MATN2: variants seen among roughly 807,000 people sequenced by gnomAD.
MATN2 encodes matrilin-2.
MATN2 carries 69 observed loss-of-function variants against 103.2 expected under a neutral mutation model. The ratio of observed to expected loss-of-function variants is 0.67; its 90% CI spans 0.55 to 0.82. The LOEUF (loss-of-function observed/expected upper bound fraction) is 0.82. Ranked by LOEUF, MATN2 falls within the 40% of genes least tolerant of loss-of-function variation. MATN2 has a pLI of 0.00. For synonymous variants in MATN2, 429 were observed against 450.2 expected, an observed-to-expected ratio of 0.95 and a Z score of 0.60; for missense variants, 1,023 against 1,211.5, an observed-to-expected ratio of 0.84 and a Z score of 2.31.
chr8:97,887,595 G>T lies in MATN2; in HGVS notation c.-26-480G>T, dbSNP rs1818479823. Among the ~76,000 whole-genome samples, 6 of 152,304 alleles carry T rather than the reference G, an allele frequency of 3.9e-5. 1 individual carries two copies. Among genetic ancestry groups the T allele is most frequent in the Admixed American group, 2.6e-4 (4 of 15,304 alleles). ...ATGTGGGAGACAGGGAGGCTGGGAG[G>T]CTGGATATGTGATGCTACTTTATGT... On this transcript the variant is annotated intron_variant, in intron 1 of 18. Transcript: ENST00000254898.
At chr8:97,978,479 T>C (rs1266128064) in intron 5 of MATN2, among the ~76,000 whole-genome samples, 1 of 152,206 alleles carries the variant, frequency 6.6e-6, no homozygotes, top group Non-Finnish European at 1.5e-5. Flanking sequence ...AGGGTGAACA[T>C]TGTCAAATTG....
chr8:97,897,040 G>T (rs907557316), intron 2 of MATN2, among the ~76,000 whole-genome samples: 8 of 151,842 alleles, frequency 5.3e-5, no homozygotes, highest in African/African-American at 1.7e-4. Context: ...AGGCAATATG[G>T]CCGGGCTGGG....
intron 1 of MATN2, among the ~76,000 whole-genome samples, chr8:97,874,805 G>A (rs1458889918): frequency 4.6e-5 from 7 of 151,176 alleles, no homozygotes; most frequent in Non-Finnish European, 2.9e-5. Context: ...GCAACCTCTG[G>A]CTCCTGGGTT....
Position 98,035,881 on chromosome 8 carries a change from C to A in MATN2, c.*169C>A. 1 of 420,780 alleles carries A rather than the reference C, an allele frequency of 2.4e-6. No individual in the cohort carries two copies. The allele number at this position is 420,780 out of a possible 1,614,324, so 26.1% of individuals were successfully genotyped here. ...AACAAAGACAAGAAGTATACACTAA[C>A]TTGTATAAATTTATCTAGGAAAAAA... On this transcript the variant is annotated 3_prime_UTR_variant, in exon 19 of 19. Transcript: ENST00000254898.
At chr8:97,947,440 C>T (rs1810790230) in intron 4 of MATN2, among the ~76,000 whole-genome samples, 1 of 152,142 alleles carries the variant, frequency 6.6e-6, no homozygotes, top group Non-Finnish European at 1.5e-5. Flanking sequence ...AGTCAATATA[C>T]TTAAAAAATT....
intron 13 of MATN2, chr8:98,025,424 A>T (rs1469514322): frequency 1.1e-5 from 2 of 186,226 alleles, no homozygotes; most frequent in Non-Finnish European, 2.3e-5. Context: ...TATAAAACAG[A>T]ATGTTTATCA....
At chr8:97,951,059 C>A (rs778762831) in intron 4 of MATN2, 1 of 152,286 alleles carries the variant, frequency 6.6e-6, no homozygotes, top group Non-Finnish European at 1.5e-5. Context: ...CACACACACG[C>A]AAAGCAGCTG....
At chr8:97,971,356 C>T (rs1811649798) in intron 5 of MATN2, among the ~76,000 whole-genome samples, 1 of 152,188 alleles carries the variant, frequency 6.6e-6, no homozygotes. Flanking sequence ...AAGTTCAGTT[C>T]TTAGTCATGG....
intron 6 of MATN2, among the ~76,000 whole-genome samples, chr8:97,986,590 T>G (rs1440305813): frequency 6.6e-6 from 1 of 152,234 alleles, no homozygotes; most frequent in African/African-American, 2.4e-5. Context: ...TCCATCTAGG[T>G]TGCTGCAAAT....
At chr8:98,019,875 A>G (rs1257961010) in intron 12 of MATN2, among the ~76,000 whole-genome samples, 2 of 152,212 alleles carry the variant, frequency 1.3e-5, no homozygotes, top group Admixed American at 1.3e-4. Context: ...CTCCTTTGAG[A>G]TAACTGGGGA....
intron 3 of MATN2, among the ~76,000 whole-genome samples, chr8:97,933,768 G>GCTTT (rs1810280774): frequency 6.6e-6 from 1 of 152,050 alleles, no homozygotes; most frequent in Admixed American, 6.6e-5. Flanking sequence ...CAGGAGACAG[G>GCTTT]GCTGCTGTCT....
chr8:98,015,231 G>A (rs1472076700), intron 10 of MATN2, among the ~76,000 whole-genome samples: 4 of 152,084 alleles, frequency 2.6e-5, no homozygotes, highest in Admixed American at 6.5e-5. Flanking sequence ...CTTCTCACCA[G>A]CCTGGTCTGG....
At chr8:97,958,426 T>C (rs1197663336) in intron 4 of MATN2, among the ~76,000 whole-genome samples, 1 of 151,988 alleles carries the variant, frequency 6.6e-6, no homozygotes, top group Admixed American at 6.6e-5. Flanking sequence ...GAGCTTAGAG[T>C]CTAGTAAGAG....
chr8:97,982,459 G>A lies in MATN2; in HGVS notation c.1081+3451G>A, dbSNP rs1467023737. Reference sequence around the variant, plus strand: ...TTAAAATTCTACTTCTTATACACTTGCAAAAAATGAAAGAAACTCAGTTTC... The same window carrying A: ...TTAAAATTCTACTTCTTATACACTTACAAAAAATGAAAGAAACTCAGTTTC... On this transcript the variant is annotated intron_variant, in intron 6 of 18. Transcript: ENST00000254898. This position sits in a 1 kb window ranked among gnomAD's most constrained non-coding sequence, Gnocchi z 4.3. Among the ~76,000 whole-genome samples the A allele has an allele frequency of 1.3e-5, 2 of 151,950 alleles. No individual in the cohort carries two copies. Among genetic ancestry groups the A allele is most frequent in the African/African-American group, 4.8e-5 (2 of 41,380 alleles).
At chr8:97,888,667 C>A (rs921253027) in intron 2 of MATN2, among the ~76,000 whole-genome samples, 12 of 152,134 alleles carry the variant, frequency 7.9e-5, no homozygotes, top group African/African-American at 2.9e-4. Flanking sequence ...TGAACTGAAT[C>A]GAGGTATTAG....
chr8:97,959,556 T>C (rs184373063), intron 4 of MATN2, among the ~76,000 whole-genome samples: 486 of 152,328 alleles, frequency 3.2e-3, no homozygotes, highest in Non-Finnish European at 5.7e-3. Flanking sequence ...GAGTTCTCAA[T>C]TGGAAATGTG....
Position 97,909,960 on chromosome 8 carries a change from T to A in MATN2, c.143-20993T>A, listed in dbSNP as rs941384178. On this transcript the variant is annotated intron_variant, in intron 2 of 18. Transcript: ENST00000254898. ...AACCATGCCTGGCTAATTTTTTGTA[T>A]TTTTAGTAGAGACGGGGTTTCACCG... 3.9e-5 allele frequency among the ~76,000 whole-genome samples: 6 copies of A among 152,028 alleles called. No individual in the cohort carries two copies. In the East Asian group the frequency reaches 1.2e-3, roughly 29 times the overall value.
At chr8:97,965,423 T>TA (rs1357855824) in intron 5 of MATN2, among the ~76,000 whole-genome samples, 3 of 152,092 alleles carry the variant, frequency 2.0e-5, no homozygotes, top group Admixed American at 2.0e-4. Flanking sequence ...TTGTAGCAGT[T>TA]ATCGGGTGAG....
chr8:97,870,319 G>A (rs910251759), intron 1 of MATN2, among the ~76,000 whole-genome samples: 21 of 152,232 alleles, frequency 1.4e-4, no homozygotes, highest in African/African-American at 4.6e-4. Flanking sequence ...GGGAGTTCGA[G>A]ACCAGCCTGA....
Sources: gnomAD v4.1 joint callset for allele counts (sites outside exome capture counted in the v4.1 genomes callset) on GRCh38, gnomAD v4.1.1 for gene constraint, Gnocchi (gnomAD v3.1) non-coding constraint, MANE v1.5 for transcripts, NCBI Gene and HGNC (gene_info 2026-07-23, HGNC 2026-07-21) for gene names.